SIGLEC15: variants seen among roughly 807,000 people sequenced by gnomAD.
SIGLEC15 encodes the protein sialic acid-binding Ig-like lectin 15.
In SIGLEC15, 31 loss-of-function variants were observed where a neutral mutation model predicts 26.2. That is an observed-to-expected ratio of 1.18 (90% CI 0.89 to 1.60). The LOEUF is 1.60. Among genes scored for constraint, SIGLEC15 ranks in the 40% most tolerant of loss-of-function variants. The pLI is 0.00. For missense variants in SIGLEC15, 501 were observed against 488.4 expected (o/e 1.03, Z -0.24); for synonymous variants, 207 against 221.9 (o/e 0.93, Z 0.60).
Position 45,838,031 on chromosome 18 carries a change from G to A in SIGLEC15, c.496+135G>A, listed in dbSNP as rs78150817. On this transcript the variant is annotated intron_variant, in intron 3 of 5. Coordinates refer to ENST00000389474, the MANE Select transcript of SIGLEC15 (RefSeq NM_213602.3). ...AGACCCAGCCCTCTCCTCTACCCCA[G>A]GGATCTCACACCTGGGGGTAGTTTA... 8.1e-3 allele frequency: 9,375 copies of A among 1,159,930 alleles called. 50 individuals carry two copies. Among genetic ancestry groups the A allele is most frequent in the Non-Finnish European group, 9.8e-3 (8,624 of 878,414 alleles). The allele number at this position is 1,159,930 out of a possible 1,614,324, so 71.9% of individuals were successfully genotyped here.
rs2048331708 is a variant in SIGLEC15 at position 45,842,329 on chromosome 18, A to T, written c.*142A>T. 2 of 783,614 alleles carry T rather than the reference A, an allele frequency of 2.6e-6. No individual in the cohort carries two copies. Among genetic ancestry groups the T allele is most frequent in the South Asian group, 3.4e-5 (2 of 59,292 alleles). 48.5% of individuals were successfully genotyped at this position (783,614 alleles called of 1,614,324 possible). ...GGCTCCTCCCCTGCTCAAGGTCAAGACCCTGCTCAAGGAGGCTCATCTGGC... is the reference window on the plus strand; with the variant it reads ...GGCTCCTCCCCTGCTCAAGGTCAAGTCCCTGCTCAAGGAGGCTCATCTGGC... On this transcript the variant is annotated 3_prime_UTR_variant, in exon 6 of 6. Coordinates refer to ENST00000389474, the MANE Select transcript of SIGLEC15 (RefSeq NM_213602.3).
In SIGLEC15 at chr18:45,838,025, A is replaced by G. The variant is rs116689106; in HGVS notation, c.496+129A>G. On this transcript the variant is annotated intron_variant, in intron 3 of 5. Transcript: ENST00000389474. ...GCAACGAGACCCAGCCCTCTCCTCT[A>G]CCCCAGGGATCTCACACCTGGGGGT... 0.012 allele frequency: 14,758 copies of G among 1,195,598 alleles called. 1,154 individuals are homozygous for G. The African/African-American group carries it at 0.19, about 15-fold the overall frequency. 74.1% of individuals were successfully genotyped at this position (1,195,598 alleles called of 1,614,324 possible).
chr18:45,837,422 A>G, intron 2 of SIGLEC15, 91 bp from the exon 3 acceptor site: 1 of 1,383,828 alleles, frequency 7.2e-7, no homozygotes, highest in Non-Finnish European at 9.3e-7. Context: ...GGGTTGGGGG[A>G]GCGTTTCCTG....
In SIGLEC15 at chr18:45,842,757, T is replaced by G. The variant is rs1364147758; in HGVS notation, c.*570T>G. Reference sequence around the variant, plus strand: ...GGGCTTTGGAAAGTACAAAGCCATCTTCTCATGAGGGGCATGACAGAACCC... The same window carrying G: ...GGGCTTTGGAAAGTACAAAGCCATCGTCTCATGAGGGGCATGACAGAACCC... On this transcript the variant is annotated 3_prime_UTR_variant, in exon 6 of 6. Transcript: ENST00000389474. The G allele has an allele frequency of 6.5e-6, 1 of 154,944 alleles. No individual in the cohort carries two copies. Among genetic ancestry groups the G allele is most frequent in the Non-Finnish European group, 1.4e-5 (1 of 69,732 alleles). The allele number at this position is 154,944 out of a possible 1,614,324, so 9.6% of individuals were successfully genotyped here.
intron 3 of SIGLEC15, chr18:45,838,389 C>A (rs944837379): frequency 4.5e-6 from 2 of 447,972 alleles, no homozygotes; most frequent in South Asian, 6.3e-5. Flanking sequence ...CCACTCTAGC[C>A]CCCACCCTGC....
rs1253386867 is a variant in SIGLEC15, at chr18:45,825,728, C to G, written c.-1C>G. On this transcript the variant is annotated 5_prime_UTR_variant, in exon 1 of 6. Coordinates refer to ENST00000389474, the MANE Select transcript of SIGLEC15 (RefSeq NM_213602.3). ...GCCTGGGGTGTTCAGATGCTCACAG[C>G]ATGGAAAAGTCCATCTGGCTGCTGG... 1 of 1,614,218 alleles carries G rather than the reference C, an allele frequency of 6.2e-7. No individual in the cohort carries two copies. Among genetic ancestry groups the G allele is most frequent in the African/African-American group, 1.3e-5 (1 of 75,066 alleles).
rs1732774186 is a variant in SIGLEC15, at chr18:45,837,504, C to A, written c.113-9C>A. On this transcript the variant is annotated splice_polypyrimidine_tract_variant and intron_variant, in intron 2 of 5. Coordinates refer to ENST00000389474, the MANE Select transcript of SIGLEC15 (RefSeq NM_213602.3). Reference sequence around the variant, plus strand: ...GCCCCGAGCCTGACGCAGCCCGCCCCGCCCTCAGGCTCGCCAGCGCAGCGC... The same window carrying A: ...GCCCCGAGCCTGACGCAGCCCGCCCAGCCCTCAGGCTCGCCAGCGCAGCGC... The A allele has an allele frequency of 1.4e-6, 2 of 1,480,614 alleles. No individual in the cohort carries two copies. The highest frequency in any genetic ancestry group is 5.4e-5 in the East Asian group (2 of 37,232). The allele number at this position is 1,480,614 out of a possible 1,614,324, so 91.7% of individuals were successfully genotyped here.
intron 1 of SIGLEC15, chr18:45,829,146 C>G: frequency 1.0e-6 from 1 of 985,498 alleles, no homozygotes; most frequent in Non-Finnish European, 1.2e-6. Context: ...GGCCCCACAG[C>G]AGGGTCAGCC....
intron 1 of SIGLEC15, chr18:45,829,038 G>A: frequency 1.0e-6 from 1 of 959,634 alleles, no homozygotes; most frequent in Non-Finnish European, 1.2e-6. Flanking sequence ...AGGAGTGAAG[G>A]GAGCAGGGAT....
intron 1 of SIGLEC15, among the ~76,000 whole-genome samples, chr18:45,834,839 A>G (rs2048263538): frequency 1.3e-5 from 2 of 152,228 alleles, no homozygotes; most frequent in Admixed American, 1.3e-4. Flanking sequence ...AAGAGGTCAG[A>G]GGAGGCTGAG....
At chr18:45,829,024 G>A (rs542181098) in intron 1 of SIGLEC15, 394 of 913,850 alleles carry the variant, frequency 4.3e-4, no homozygotes, top group Non-Finnish European at 5.0e-4. Flanking sequence ...GGGGCGGGAA[G>A]GGGAGGAGTG....
In SIGLEC15 at chr18:45,825,907, G is replaced by A. The variant is rs1043606987; in HGVS notation, c.52+127G>A. On this transcript the variant is annotated intron_variant, in intron 1 of 5. Transcript: ENST00000389474. ...AGCCTCCAGGCCTGTGGAGGAGGAAGAGCTGCGCTTGGGGCCTGTGGTGCC... is the reference window on the plus strand; with the variant it reads ...AGCCTCCAGGCCTGTGGAGGAGGAAAAGCTGCGCTTGGGGCCTGTGGTGCC... 5.6e-5 allele frequency: 63 copies of A among 1,123,832 alleles called. No individual in the cohort carries two copies. In the Admixed American group the frequency reaches 1.2e-3, roughly 22 times the overall value. 69.6% of individuals were successfully genotyped at this position (1,123,832 alleles called of 1,614,324 possible).
chr18:45,837,069 GCTC>G lies in SIGLEC15; in HGVS notation c.94_96del (p.Leu32del). ...CTAAAATAGATACTACGGAGAACTT[GCTC>G]AACACAGAGGTGCACAGTAAGTGCT... On this transcript the variant is annotated inframe_deletion, in exon 2 of 6. Coordinates refer to ENST00000389474, the MANE Select transcript of SIGLEC15 (RefSeq NM_213602.3). The G allele has an allele frequency of 6.2e-7, 1 of 1,601,300 alleles. No homozygotes were observed. The highest frequency in any genetic ancestry group is 1.3e-5 in the African/African-American group (1 of 74,776).
At position 45,837,650 on chromosome 18, in the gene SIGLEC15, G is replaced by A; in HGVS notation, c.250G>A (p.Gly84Ser). 6.6e-7 allele frequency: 1 copy of A among 1,505,950 alleles called. No homozygotes were observed. The highest frequency in any genetic ancestry group is 8.8e-7 in the Non-Finnish European group (1 of 1,135,100). The allele number at this position is 1,505,950 out of a possible 1,614,324, so 93.3% of individuals were successfully genotyped here. ...GCCGCTGACGGCCATCTGGCGCGCGGGCGAGCCCTATGCGGGCCCGCAGGT... is the reference window on the plus strand; with the variant it reads ...GCCGCTGACGGCCATCTGGCGCGCGAGCGAGCCCTATGCGGGCCCGCAGGT... ...DGPLTAIWRAGEPYAGPQVFR... is the reference protein window; with the variant it reads ...DGPLTAIWRASEPYAGPQVFR... The change falls in exon 3 of 6, where the codon GGC (glycine) becomes AGC (serine). Residue 84 changes from glycine (G) to serine (S), a missense_variant. Transcript: ENST00000389474.
At chr18:45,841,985 G>A (rs986064315) in intron 5 of SIGLEC15, 121 bp from the exon 6 acceptor site, 71 of 916,834 alleles carry the variant, frequency 7.7e-5, no homozygotes, top group Non-Finnish European at 1.0e-4. Context: ...GAGCCCTGCC[G>A]GTTCCAGCCG....
chr18:45,837,920 C>A, intron 3 of SIGLEC15, 24 bp downstream of exon 3: 2 of 1,467,142 alleles, frequency 1.4e-6, no homozygotes, highest in East Asian at 2.9e-5. Context: ...GGAGCGGGTC[C>A]CCGGCCTCCC....
Position 45,837,556 on chromosome 18 carries a change from G to A in SIGLEC15, c.156G>A (p.Val52=). 6.6e-7 allele frequency: 1 copy of A among 1,516,282 alleles called. No individual in the cohort carries two copies. Among genetic ancestry groups the A allele is most frequent in the Non-Finnish European group, 8.8e-7 (1 of 1,139,598 alleles). 93.9% of individuals were successfully genotyped at this position (1,516,282 alleles called of 1,614,324 possible). A position where few individuals can be genotyped will look rare whatever the true frequency, so the allele number is the denominator to read the frequency against. ...GGTCCATGCAGGTGCCACCCGAGGT[G>A]AGCGCGGAGGCAGGCGACGCGGCAG... ...QRWSMQVPPE[V]SAEAGDAAVL... Residue 52 remains valine, a synonymous_variant, in exon 3 of 6, where the codon GTG becomes GTA. Transcript: ENST00000389474.
At chr18:45,839,599 C>T (rs543133816) in intron 4 of SIGLEC15, among the ~76,000 whole-genome samples, 1 of 152,258 alleles carries the variant, frequency 6.6e-6, no homozygotes, top group South Asian at 2.1e-4. Context: ...TCTGCAGAAG[C>T]CAGAGGAAGG....
intron 1 of SIGLEC15, among the ~76,000 whole-genome samples, chr18:45,834,598 A>G (rs1199206762): frequency 6.6e-6 from 1 of 152,218 alleles, no homozygotes; most frequent in Non-Finnish European, 1.5e-5. Flanking sequence ...TCTTTACGGC[A>G]TCTGGCAGAC....
Sources: allele counts gnomAD v4.1 joint callset (sites outside exome capture counted in the v4.1 genomes callset), GRCh38; gene constraint gnomAD v4.1.1; transcripts MANE v1.5; gene names NCBI Gene and HGNC (gene_info 2026-07-23, HGNC 2026-07-21).